Variants in PAM observed in about 807,000 individuals in gnomAD.
The protein encoded by PAM is peptidyl-glycine alpha-amidating monooxygenase.
PAM carries 72 observed loss-of-function variants against 122.1 expected under a neutral mutation model. That is an observed-to-expected ratio of 0.59 (90% CI 0.49 to 0.72). The LOEUF (loss-of-function observed/expected upper bound fraction) is 0.72. Ranked by LOEUF, PAM falls within the 30% of genes least tolerant of loss-of-function variation. The pLI is 0.00. For synonymous variants in PAM, 389 were observed against 404.4 expected, an observed-to-expected ratio of 0.96 and a Z score of 0.46; for missense variants, 1,106 against 1,183.7, an observed-to-expected ratio of 0.93 and a Z score of 0.96.
intron 10 of PAM, 23 bp downstream of exon 10, chr5:102,949,640 T>C: frequency 9.2e-7 from 1 of 1,091,608 alleles, no homozygotes; most frequent in Non-Finnish European, 1.4e-6. Flanking sequence ...CATGTTAAAT[T>C]ATAAATATTT....
intron 1 of PAM, among the ~76,000 whole-genome samples, chr5:102,770,886 A>T (rs890533142): frequency 6.6e-6 from 1 of 151,998 alleles, no homozygotes; most frequent in African/African-American, 2.4e-5. Context: ...GTGTTTTAAT[A>T]ATAGTTAATA....
chr5:102,782,703 TTCTCTCTC>T (rs370769198), intron 1 of PAM, among the ~76,000 whole-genome samples: 12 of 142,902 alleles, frequency 8.4e-5, no homozygotes, highest in African/African-American at 2.9e-4. Context: ...CTTTCTCCAT[TTCTCTCTC>T]TCTCTCTCTC....
chr5:102,892,825 CCA>C (rs1795121563), intron 3 of PAM, among the ~76,000 whole-genome samples: 3 of 151,884 alleles, frequency 2.0e-5, no homozygotes. Flanking sequence ...GGTGCTGATA[CCA>C]GTTATCAATG....
intron 1 of PAM, among the ~76,000 whole-genome samples, chr5:102,759,670 A>G (rs979887875): frequency 6.6e-6 from 1 of 152,208 alleles, no homozygotes; most frequent in Non-Finnish European, 1.5e-5. Context: ...TAGGGCCACC[A>G]CTTTATGACC....
intron 3 of PAM, among the ~76,000 whole-genome samples, chr5:102,871,351 C>G (rs906110615): frequency 6.6e-6 from 1 of 152,086 alleles, no homozygotes; most frequent in Admixed American, 6.6e-5. Flanking sequence ...CACCTTGACA[C>G]TAGAAAGAAA....
intron 3 of PAM, among the ~76,000 whole-genome samples, chr5:102,878,862 T>C (rs907946656): frequency 6.6e-5 from 10 of 152,154 alleles, no homozygotes; most frequent in African/African-American, 1.7e-4. Flanking sequence ...AATTAATAAG[T>C]TTATAAAGTA....
intron 7 of PAM, among the ~76,000 whole-genome samples, chr5:102,927,238 C>G (rs971060831): frequency 2.0e-5 from 3 of 152,198 alleles, no homozygotes; most frequent in African/African-American, 7.2e-5. Flanking sequence ...TCGCTATGCA[C>G]TTTATTTAAA....
rs1409633750 is a variant in PAM at position 102,968,223 on chromosome 5, T to C, written c.1163-5893T>C. On this transcript the variant is annotated intron_variant, in intron 14 of 25. Coordinates refer to ENST00000438793, the MANE Select transcript of PAM (RefSeq NM_001177306.2). ...AGAAAAACAATTAAGTTTTTTATAG[T>C]AAGATTGATAAGTTTGAGAAGAATG... Among the ~76,000 whole-genome samples, 3 of 152,214 alleles carry C rather than the reference T, an allele frequency of 2.0e-5. No individual in the cohort carries two copies. In the East Asian group the frequency reaches 5.8e-4, roughly 29 times the overall value.
intron 16 of PAM, among the ~76,000 whole-genome samples, chr5:102,990,853 G>A (rs1447289579): frequency 6.6e-6 from 1 of 152,150 alleles, no homozygotes; most frequent in Non-Finnish European, 1.5e-5. Flanking sequence ...CCATTGTCCT[G>A]GACAGTGTGG....
At chr5:102,816,092 T>A (rs183227985) in intron 1 of PAM, among the ~76,000 whole-genome samples, 198 of 152,260 alleles carry the variant, frequency 1.3e-3, no homozygotes, top group Non-Finnish European at 9.3e-4. Flanking sequence ...ATCCAGAAAT[T>A]TATACTTATG....
chr5:102,976,749 CTT>C (rs1371003955), intron 15 of PAM, among the ~76,000 whole-genome samples: 2 of 152,160 alleles, frequency 1.3e-5, no homozygotes, highest in Admixed American at 1.3e-4. Context: ...TTTGACATCT[CTT>C]GTTAATTTTC....
chr5:102,873,618 A>T (rs1238135726), intron 3 of PAM: 2 of 152,236 alleles, frequency 1.3e-5, no homozygotes, highest in Non-Finnish European at 2.9e-5. Context: ...AATGAGGGTT[A>T]CTTCTTGAGT....
chr5:102,957,246 C>T (rs1340988349), intron 12 of PAM, among the ~76,000 whole-genome samples: 1 of 152,092 alleles, frequency 6.6e-6, no homozygotes, highest in Non-Finnish European at 1.5e-5. Context: ...TTTGATTGGT[C>T]ATTCTTAAAC....
intron 12 of PAM, among the ~76,000 whole-genome samples, chr5:102,952,145 G>T (rs906639363): frequency 1.3e-5 from 2 of 150,768 alleles, no homozygotes; most frequent in Non-Finnish European, 3.0e-5. Flanking sequence ...CACATTACCT[G>T]CATTGACTTA....
chr5:102,823,015 A>G (rs1474046566), intron 1 of PAM, among the ~76,000 whole-genome samples: 2 of 152,144 alleles, frequency 1.3e-5, no homozygotes, highest in Non-Finnish European at 2.9e-5. Flanking sequence ...CCTTTAGTGG[A>G]AAATAAGTTT....
At chr5:102,978,251 C>T (rs1255204708) in intron 15 of PAM, among the ~76,000 whole-genome samples, 1 of 152,168 alleles carries the variant, frequency 6.6e-6, no homozygotes, top group African/African-American at 2.4e-5. Flanking sequence ...ACTTGTGGCT[C>T]TTCAAACATC....
intron 1 of PAM, among the ~76,000 whole-genome samples, chr5:102,862,653 T>A (rs1279434838): frequency 1.3e-5 from 2 of 152,246 alleles, no homozygotes; most frequent in Non-Finnish European, 2.9e-5. Context: ...AGGCATTCAA[T>A]ATATATTTGT....
At chr5:103,013,335 G>T (rs1186443070) in intron 21 of PAM, among the ~76,000 whole-genome samples, 2 of 151,954 alleles carry the variant, frequency 1.3e-5, no homozygotes, top group Non-Finnish European at 2.9e-5. Context: ...ATTGTAAATA[G>T]GATTACATTT....
chr5:102,959,985 G>T lies in PAM; in HGVS notation c.1016G>T (p.Arg339Ile), dbSNP rs780367921. 3.7e-6 allele frequency: 6 copies of T among 1,612,400 alleles called. No homozygotes were observed. Among genetic ancestry groups the T allele is most frequent in the Non-Finnish European group, 5.1e-6 (6 of 1,178,630 alleles). ...CTQNVAPDMF[R>I]TIPPEANIPI... ...CAGAATGTAGCTCCAGATATGTTCA[G>T]AACCATACCACCAGAGGCCAACATT... Residue 339 changes from arginine to isoleucine, a missense_variant, in exon 13 of 26, where the codon AGA (arginine) becomes ATA (isoleucine). Arg to Ile is a moderately conservative substitution (Grantham distance 97, BLOSUM62 -3). This residue lies in a region of PAM where 670 missense variants were observed against 690.3 expected (regional missense o/e 0.97). Transcript: ENST00000438793.
Sources: gnomAD v4.1 joint callset for allele counts (sites outside exome capture counted in the v4.1 genomes callset) on GRCh38, gnomAD v4.1.1 for gene constraint, gnomAD v4.1.1 regional missense constraint, MANE v1.5 for transcripts, NCBI Gene and HGNC (gene_info 2026-07-23, HGNC 2026-07-21) for gene names.